Variants in GPC3 observed in about 807,000 individuals in gnomAD.
GPC3 encodes the protein glypican-3.
A neutral mutation model predicts 34.4 loss-of-function variants in GPC3; 3 were observed. The observed-to-expected ratio is 0.09, with a 90% CI of 0.04 to 0.23. The LOEUF (loss-of-function observed/expected upper bound fraction) is 0.23. Ranked by LOEUF, GPC3 falls within the 10% of genes least tolerant of loss-of-function variation. The pLI, the probability that GPC3 is intolerant of heterozygous loss-of-function variation, is 1.00. For synonymous variants in GPC3, 177 were observed against 174.0 expected (o/e 1.02, Z -0.13); for missense variants, 351 against 445.6 (o/e 0.79, Z 1.91).
At chrX:133,815,584 C>A (rs5977916) in intron 2 of GPC3, among the ~76,000 whole-genome samples, 3,036 of 112,099 alleles carry the variant, frequency 0.027, 116 homozygotes, top group African/African-American at 0.093. Flanking sequence ...ACTAAAAAAA[C>A]TTAAAAAGTT....
chrX:133,792,953 T>C (rs2072181195), intron 2 of GPC3, among the ~76,000 whole-genome samples: 1 of 111,646 alleles, frequency 9.0e-6, no homozygotes, highest in East Asian at 2.8e-4. Context: ...AAGGCCATTA[T>C]GCAAAGGGCT....
chrX:133,941,689 G>C (rs771961876), intron 2 of GPC3, among the ~76,000 whole-genome samples: 1 of 111,445 alleles, frequency 9.0e-6, no homozygotes, highest in Non-Finnish European at 1.9e-5. Context: ...AATTAGTAAA[G>C]AATCAAAGAA....
intron 6 of GPC3, among the ~76,000 whole-genome samples, chrX:133,657,898 CAGAGAGAGAGAGAGAG>C (rs749162174): frequency 1.2e-5 from 1 of 85,550 alleles, no homozygotes; most frequent in Non-Finnish European, 2.2e-5. Context: ...GGCATACATG[CAGAGAGAGAGAGAGAG>C]AGAGAGAGAG....
At chrX:133,551,342 C>G (rs1404047335) in intron 7 of GPC3, among the ~76,000 whole-genome samples, 2 of 112,144 alleles carry the variant, frequency 1.8e-5, no homozygotes, top group African/African-American at 3.2e-5. Flanking sequence ...TTTTCCCTTG[C>G]AGAGGGCTGC....
At chrX:133,537,760 A>G (rs2069307636) in intron 7 of GPC3, among the ~76,000 whole-genome samples, 2 of 112,085 alleles carry the variant, frequency 1.8e-5, no homozygotes, top group African/African-American at 6.5e-5. Flanking sequence ...TTACTAGTGC[A>G]GACAAACTTT....
At chrX:133,795,738 TC>T (rs2075575334) in intron 2 of GPC3, among the ~76,000 whole-genome samples, 1 of 110,055 alleles carries the variant, frequency 9.1e-6, no homozygotes, top group South Asian at 3.8e-4. Flanking sequence ...CTACTCTATT[TC>T]CCTGAACTGC....
intron 7 of GPC3, among the ~76,000 whole-genome samples, chrX:133,544,356 A>G (rs191977082): frequency 7.4e-4 from 83 of 112,100 alleles, no homozygotes; most frequent in African/African-American, 2.6e-3. Flanking sequence ...AGTCTTTTCT[A>G]TGGCAACTTC....
intron 6 of GPC3, among the ~76,000 whole-genome samples, chrX:133,623,257 G>A (rs989688683): frequency 7.2e-5 from 8 of 111,755 alleles, no homozygotes; most frequent in Admixed American, 3.8e-4. Flanking sequence ...ATCAACTAAC[G>A]AGCAAAATAA....
intron 3 of GPC3, among the ~76,000 whole-genome samples, chrX:133,711,113 C>G (rs2071262483): frequency 8.9e-6 from 1 of 111,904 alleles, no homozygotes; most frequent in South Asian, 3.8e-4. Flanking sequence ...GGTGATTTCT[C>G]CCTCCCTCTA....
intron 2 of GPC3, among the ~76,000 whole-genome samples, chrX:133,927,545 T>C (rs2076281061): frequency 9.1e-6 from 1 of 109,935 alleles, no homozygotes; most frequent in Admixed American, 9.8e-5. Flanking sequence ...GATGCAATCA[T>C]GGTTCACTGC....
chrX:133,936,095 T>C (rs1375446538), intron 2 of GPC3, among the ~76,000 whole-genome samples: 1 of 108,131 alleles, frequency 9.2e-6, no homozygotes, highest in African/African-American at 3.4e-5. Context: ...ATTATTATTA[T>C]CATTATTTTG....
At chrX:133,880,203 T>C (rs1422941559) in intron 2 of GPC3, among the ~76,000 whole-genome samples, 1 of 112,478 alleles carries the variant, frequency 8.9e-6, no homozygotes, top group African/African-American at 3.2e-5. Context: ...TTAGATATCC[T>C]GAAGGAAGCC....
intron 3 of GPC3, among the ~76,000 whole-genome samples, chrX:133,738,603 A>T (rs2124468696): frequency 8.9e-6 from 1 of 112,197 alleles, no homozygotes; most frequent in East Asian, 2.8e-4. Flanking sequence ...GCAATTTAGC[A>T]TTATACTGCA....
intron 5 of GPC3, among the ~76,000 whole-genome samples, chrX:133,673,528 T>C (rs770914090): frequency 1.3e-4 from 15 of 112,379 alleles, no homozygotes; most frequent in African/African-American, 4.2e-4. Context: ...TAATGATCAA[T>C]AATTGTTGTA....
intron 2 of GPC3, among the ~76,000 whole-genome samples, chrX:133,837,401 G>T (rs778948663): frequency 8.9e-6 from 1 of 111,970 alleles, no homozygotes. Context: ...TTTCTGACTG[G>T]ACTCATATGA....
chrX:133,686,424 A>G (rs948559571), intron 5 of GPC3, among the ~76,000 whole-genome samples: 2 of 112,273 alleles, frequency 1.8e-5, no homozygotes, highest in Non-Finnish European at 3.7e-5. Flanking sequence ...AAAATATGTT[A>G]TATACCTACA....
chrX:133,648,172 C>T (rs1015378597), intron 6 of GPC3, among the ~76,000 whole-genome samples: 5 of 111,891 alleles, frequency 4.5e-5, no homozygotes, highest in African/African-American at 1.6e-4. Context: ...CAAGCTTGTC[C>T]AACCCGCAGC....
chrX:133,772,206 G>C (rs1166134171), intron 2 of GPC3, among the ~76,000 whole-genome samples: 1 of 111,849 alleles, frequency 8.9e-6, no homozygotes, highest in Non-Finnish European at 1.9e-5. Flanking sequence ...AACTACAATG[G>C]TATACAGTAC....
chrX:133,744,371 C>A (rs1488353178), intron 3 of GPC3, among the ~76,000 whole-genome samples: 1 of 112,572 alleles, frequency 8.9e-6, no homozygotes, highest in Non-Finnish European at 1.9e-5. Context: ...AGATATTTCT[C>A]AAAAGAAGAC....
Sources: allele counts gnomAD v4.1 joint callset (sites outside exome capture counted in the v4.1 genomes callset), GRCh38; gene constraint gnomAD v4.1.1; transcripts MANE v1.5; gene names NCBI Gene and HGNC (gene_info 2026-07-23, HGNC 2026-07-21).